Variants in ETV1 observed in about 807,000 individuals in gnomAD.
ETV1 encodes the protein ETS translocation variant 1.
Under a neutral mutation model 62.3 loss-of-function variants are expected in ETV1, and 27 were observed. The ratio of observed to expected loss-of-function variants is 0.43; its 90% confidence interval spans 0.32 to 0.60. The LOEUF (loss-of-function observed/expected upper bound fraction) is 0.60, where lower values mean the gene tolerates loss of function less well. Ranked by LOEUF, ETV1 falls within the 20% of genes least tolerant of loss-of-function variation. The pLI is 0.06. For missense variants in ETV1, 605 were observed against 605.8 expected (o/e 1.00, Z 0.01); for synonymous variants, 222 against 199.6 (o/e 1.11, Z -0.94).
In ETV1 at chr7:13,926,621, T is replaced by C. The variant is rs538401579; in HGVS notation, c.802+4881A>G. 9.9e-5 allele frequency among the ~76,000 whole-genome samples: 15 copies of C among 152,206 alleles called. No individual in the cohort carries two copies. The South Asian group carries it at 2.9e-3, about 29-fold the overall frequency. On this transcript the variant is annotated intron_variant, in intron 9 of 13. Coordinates refer to ENST00000430479, the MANE Select transcript of ETV1 (RefSeq NM_004956.5). The stretch of plus-strand genomic sequence containing the variant: ...GACCATAAGGGCATGAAAAAAAATA[T>C]CATGTTGGATTTAGACAAAAACAAC...
At chr7:13,970,957 T>A (rs1437063443) in intron 6 of ETV1, among the ~76,000 whole-genome samples, 1 of 152,062 alleles carries the variant, frequency 6.6e-6, no homozygotes, top group Non-Finnish European at 1.5e-5. Flanking sequence ...CTATTCTTTC[T>A]TTTATTTATT....
chr7:13,986,271 A>T (rs1782540890), intron 5 of ETV1: 3 of 1,514,598 alleles, frequency 2.0e-6, no homozygotes, highest in Non-Finnish European at 2.6e-6. Context: ...TAAAGGAAAC[A>T]GCAAGCCAGC....
At chr7:13,959,649 C>T (rs374034170) in intron 6 of ETV1, among the ~76,000 whole-genome samples, 1 of 151,898 alleles carries the variant, frequency 6.6e-6, no homozygotes. Context: ...TTTGCAAGGC[C>T]GAGGCAGGTG....
chr7:13,971,825 T>C (rs10239868), intron 6 of ETV1, among the ~76,000 whole-genome samples: 5,954 of 152,202 alleles, frequency 0.039, 386 homozygotes, highest in African/African-American at 0.14. Flanking sequence ...ATGAATGATA[T>C]AACGGCCAGG....
At chr7:13,951,958 G>A (rs985331586) in intron 6 of ETV1, among the ~76,000 whole-genome samples, 1 of 152,122 alleles carries the variant, frequency 6.6e-6, no homozygotes, top group African/African-American at 2.4e-5. Flanking sequence ...CGTAGAAACA[G>A]AGCTTCAAGC....
In ETV1 at chr7:13,892,915, C is replaced by T. The variant is rs1212288190; in HGVS notation, c.*2951G>A. The T allele has an allele frequency of 8.6e-6, 2 of 231,770 alleles. No homozygotes were observed. The highest frequency in any genetic ancestry group is 1.7e-5 in the Non-Finnish European group (2 of 117,274). 14.4% of individuals were successfully genotyped at this position (231,770 alleles called of 1,614,324 possible). A position where few individuals can be genotyped will look rare whatever the true frequency, so the allele number is the denominator to read the frequency against. The stretch of plus-strand genomic sequence containing the variant: ...AAGGCTTCTTTTGAACTTCTGCCTC[C>T]AGAACTATAAGATAAATTTGTGTAA... On this transcript the variant is annotated 3_prime_UTR_variant, in exon 14 of 14. Coordinates refer to ENST00000430479, the MANE Select transcript of ETV1 (RefSeq NM_004956.5).
intron 6 of ETV1, among the ~76,000 whole-genome samples, chr7:13,939,867 A>G (rs1160722218): frequency 6.6e-6 from 1 of 152,198 alleles, no homozygotes; most frequent in Non-Finnish European, 1.5e-5. Context: ...AGAAATATGT[A>G]AATGTTGTTT....
intron 6 of ETV1, among the ~76,000 whole-genome samples, chr7:13,941,959 C>G (rs1017083076): frequency 1.3e-5 from 2 of 150,706 alleles, no homozygotes; most frequent in African/African-American, 2.4e-5. Context: ...TGTGTGTAGG[C>G]GAGATCTTAG....
chr7:13,892,615 G>T lies in ETV1; in HGVS notation c.*3251C>A. 4.3e-6 allele frequency: 1 copy of T among 232,374 alleles called. No homozygotes were observed. Among genetic ancestry groups the T allele is most frequent in the Non-Finnish European group, 8.5e-6 (1 of 117,556 alleles). 14.4% of individuals were successfully genotyped at this position (232,374 alleles called of 1,614,324 possible). On this transcript the variant is annotated 3_prime_UTR_variant, in exon 14 of 14. Transcript: ENST00000430479. ...CCTATGAATAATTATCTAGCCAAAG[G>T]GACTTGGCACACGTCATTAAGTTAA...
Position 13,935,848 on chromosome 7 carries a change from G to A in ETV1, c.414C>T (p.Pro138=), listed in dbSNP as rs772531873. 12 of 1,613,014 alleles carry A rather than the reference G, an allele frequency of 7.4e-6. No individual in the cohort carries two copies. In the Admixed American group the frequency reaches 8.3e-5, roughly 11 times the overall value. The change falls in exon 8 of 14, where the codon CCC becomes CCT. Residue 138 remains proline (P), a synonymous_variant. Transcript: ENST00000430479. ...PQVGMRPSNP[P]TPSSTPVSPL... Reference sequence around the variant, plus strand: ...GGGACACTGGCGTGCTGGATGGTGTGGGGGGGTTGGAGGGCCTCATTCCCA... The same window carrying A: ...GGGACACTGGCGTGCTGGATGGTGTAGGGGGGTTGGAGGGCCTCATTCCCA...
chr7:13,899,445 T>C (rs1782184653), intron 13 of ETV1, among the ~76,000 whole-genome samples: 1 of 152,206 alleles, frequency 6.6e-6, no homozygotes, highest in Non-Finnish European at 1.5e-5. Context: ...GGCACTGAGA[T>C]AATATGCCTC....
intron 6 of ETV1, among the ~76,000 whole-genome samples, chr7:13,966,193 T>TAAAAGTCC (rs1790755951): frequency 6.6e-6 from 1 of 152,182 alleles, no homozygotes; most frequent in South Asian, 2.1e-4. Context: ...CCTCATTTTT[T>TAAAAGTCC]AAAAGTCCAA....
In ETV1 at chr7:13,896,569, C is replaced by T. The variant is rs376363719; in HGVS notation, c.1213-482G>A. ...ATTTAAAAGAAAAATGTGCTTTATT[C>T]CCAATAAGACTAGACTAGTAATTCA... On this transcript the variant is annotated intron_variant, in intron 13 of 13. Coordinates refer to ENST00000430479, the MANE Select transcript of ETV1 (RefSeq NM_004956.5). Among the ~76,000 whole-genome samples, 44 of 151,912 alleles carry T rather than the reference C, an allele frequency of 2.9e-4. 1 individual carries two copies. In the East Asian group the frequency reaches 8.0e-3, roughly 27 times the overall value.
Position 13,892,798 on chromosome 7 carries a change from T to C in ETV1, c.*3068A>G. 4.3e-6 allele frequency: 1 copy of C among 232,526 alleles called. No individual in the cohort carries two copies. 14.4% of individuals were successfully genotyped at this position (232,526 alleles called of 1,614,324 possible). A position where few individuals can be genotyped will look rare whatever the true frequency, so the allele number is the denominator to read the frequency against. ...AGTGATGTAGCCAGGAGCCAAGGAA[T>C]GTCAGCAGACTCTAGAAGTGAAAGC... On this transcript the variant is annotated 3_prime_UTR_variant, in exon 14 of 14. Transcript: ENST00000430479.
chr7:13,970,193 G>A (rs1362941325), intron 6 of ETV1, among the ~76,000 whole-genome samples: 1 of 151,594 alleles, frequency 6.6e-6, no homozygotes, highest in Non-Finnish European at 1.5e-5. Context: ...CCCGGGAGGC[G>A]GAGCTTGCAG....
chr7:13,981,534 T>TACATACATAC (rs1447504131), intron 5 of ETV1, among the ~76,000 whole-genome samples: 3 of 133,952 alleles, frequency 2.2e-5, no homozygotes, highest in East Asian at 2.1e-4. Context: ...CATACATACA[T>TACATACATAC]ATATATATAT....
chr7:13,970,217 C>T (rs1033385302), intron 6 of ETV1, among the ~76,000 whole-genome samples: 3 of 151,010 alleles, frequency 2.0e-5, no homozygotes, highest in South Asian at 4.2e-4. Context: ...GCTGAGGTCA[C>T]GCCACTGCAC....
intron 6 of ETV1, among the ~76,000 whole-genome samples, chr7:13,963,455 ATG>A (rs1790421276): frequency 6.6e-6 from 1 of 151,570 alleles, no homozygotes; most frequent in African/African-American, 2.4e-5. Flanking sequence ...CACAAAATTC[ATG>A]TGTGTTTTAC....
chr7:13,954,517 A>C (rs2128475385), intron 6 of ETV1, among the ~76,000 whole-genome samples: 1 of 152,322 alleles, frequency 6.6e-6, no homozygotes, highest in African/African-American at 2.4e-5. Context: ...TTTAATATTT[A>C]GCTCCTGGAA....
Sources: gnomAD v4.1 joint callset for allele counts (sites outside exome capture counted in the v4.1 genomes callset) on GRCh38, gnomAD v4.1.1 for gene constraint, MANE v1.5 for transcripts, NCBI Gene and HGNC (gene_info 2026-07-23, HGNC 2026-07-21) for gene names.